Variants in ANTXR1 observed in about 807,000 individuals in gnomAD.
ANTXR1 encodes ANTXR cell adhesion molecule 1.
In ANTXR1, 19 loss-of-function variants were observed where a neutral mutation model predicts 78.1. That is an observed-to-expected ratio of 0.24 (90% CI 0.17 to 0.36). The LOEUF (loss-of-function observed/expected upper bound fraction) is 0.36. Among genes scored for constraint, ANTXR1 ranks in the 10% least tolerant of loss-of-function variants. ANTXR1 has a pLI of 1.00. For synonymous variants in ANTXR1, 273 were observed against 260.5 expected, an observed-to-expected ratio of 1.05 and a Z score of -0.46; for missense variants, 518 against 718.6, an observed-to-expected ratio of 0.72 and a Z score of 3.19.
intron 6 of ANTXR1, 103 bp downstream of exon 6, chr2:69,073,204 A>G: frequency 1.0e-6 from 1 of 956,330 alleles, no homozygotes; most frequent in Non-Finnish European, 1.7e-6. Context: ...TGTTCTTTGC[A>G]AATCCCCTGA....
At chr2:69,123,425 C>A (rs1412884117) in intron 11 of ANTXR1, among the ~76,000 whole-genome samples, 1 of 152,202 alleles carries the variant, frequency 6.6e-6, no homozygotes, top group Non-Finnish European at 1.5e-5. Context: ...GGCTTAATCA[C>A]ACCTACACTT....
At chr2:69,236,378 A>T (rs183077799) in intron 17 of ANTXR1, among the ~76,000 whole-genome samples, 2 of 152,320 alleles carry the variant, frequency 1.3e-5, no homozygotes, top group Admixed American at 1.3e-4. Context: ...ACATATATAC[A>T]CACACATTTT....
chr2:69,112,617 C>T lies in ANTXR1; in HGVS notation c.802+9677C>T, dbSNP rs187584525. 4.4e-4 allele frequency among the ~76,000 whole-genome samples: 67 copies of T among 152,318 alleles called. 1 individual carries two copies. In the East Asian group the frequency reaches 8.5e-3, roughly 19 times the overall value. On this transcript the variant is annotated intron_variant, in intron 10 of 17. Coordinates refer to ENST00000303714, the MANE Select transcript of ANTXR1 (RefSeq NM_032208.3). The stretch of plus-strand genomic sequence containing the variant: ...ACCTAAGATCAAGAGAAAAAGCCCC[C>T]GACCAGGGTAGGAAGAACCCCAGGC...
Position 69,187,585 on chromosome 2 carries a change from CTTT to C in ANTXR1, c.1353+4944_1353+4946del, listed in dbSNP as rs58660678. Among the ~76,000 whole-genome samples the C allele has an allele frequency of 4.5e-3, 424 of 94,878 alleles. 6 individuals carry two copies. Among genetic ancestry groups the C allele is most frequent in the African/African-American group, 0.019 (412 of 21,926 alleles). 62.2% of individuals were successfully genotyped at this position (94,878 alleles called of 152,430 possible). A position where few individuals can be genotyped will look rare whatever the true frequency, so the allele number is the denominator to read the frequency against. On this transcript the variant is annotated intron_variant, in intron 16 of 17. Coordinates refer to ENST00000303714, the MANE Select transcript of ANTXR1 (RefSeq NM_032208.3). ...GGGTCACACTATTTATCATGTATTT[CTTT>C]TTTTTTTTTTTTTTTTTTGAGACAG...
At chr2:69,022,869 T>C (rs139668846) in intron 1 of ANTXR1, among the ~76,000 whole-genome samples, 1 of 152,336 alleles carries the variant, frequency 6.6e-6, no homozygotes, top group African/African-American at 2.4e-5. Context: ...ACACACAATA[T>C]GAAGGCAGAA....
In ANTXR1 at chr2:69,071,694, T is replaced by C. The variant is rs1036993669; in HGVS notation, c.379-60T>C. 86 of 1,552,488 alleles carry C rather than the reference T, an allele frequency of 5.5e-5. 1 individual carries two copies. The highest frequency in any genetic ancestry group is 5.2e-5 in the Non-Finnish European group (58 of 1,123,858). On this transcript the variant is annotated intron_variant, in intron 4 of 17. Coordinates refer to ENST00000303714, the MANE Select transcript of ANTXR1 (RefSeq NM_032208.3). ...CAACAACAGAGCCCATTATCCACTATGGTTTTTGGAGTGACAAACAGTGGT... is the reference window on the plus strand; with the variant it reads ...CAACAACAGAGCCCATTATCCACTACGGTTTTTGGAGTGACAAACAGTGGT...
At chr2:69,202,876 A>C (rs1674808842) in intron 17 of ANTXR1, among the ~76,000 whole-genome samples, 1 of 152,136 alleles carries the variant, frequency 6.6e-6, no homozygotes, top group Admixed American at 6.5e-5. Context: ...AGGTATAAAT[A>C]ATTTGAAAAG....
intron 13 of ANTXR1, among the ~76,000 whole-genome samples, chr2:69,160,349 G>T (rs747356013): frequency 1.3e-5 from 2 of 152,080 alleles, no homozygotes; most frequent in African/African-American, 4.8e-5. Context: ...TGTCAAAGTC[G>T]ACTGGGTTTC....
intron 3 of ANTXR1, among the ~76,000 whole-genome samples, chr2:69,049,701 T>C (rs939214057): frequency 6.6e-6 from 1 of 152,194 alleles, no homozygotes; most frequent in African/African-American, 2.4e-5. Flanking sequence ...GATTGTAGTA[T>C]CTGTGATTAA....
chr2:69,197,272 C>T (rs1251573293), intron 17 of ANTXR1, among the ~76,000 whole-genome samples: 1 of 152,180 alleles, frequency 6.6e-6, no homozygotes, highest in African/African-American at 2.4e-5. Flanking sequence ...TCCCCTGCTC[C>T]CAGTAGGTAG....
intron 17 of ANTXR1, among the ~76,000 whole-genome samples, chr2:69,201,600 C>A (rs1674773682): frequency 6.6e-6 from 1 of 152,192 alleles, no homozygotes; most frequent in South Asian, 2.1e-4. Context: ...GGCTGGCACC[C>A]TGAAGTGCAG....
intron 9 of ANTXR1, among the ~76,000 whole-genome samples, chr2:69,096,368 G>A (rs1671425539): frequency 4.7e-5 from 4 of 84,662 alleles, no homozygotes; most frequent in African/African-American, 2.1e-4. Flanking sequence ...AAGGGAGGAA[G>A]GGAGGAAGGA....
intron 9 of ANTXR1, among the ~76,000 whole-genome samples, chr2:69,095,788 C>T (rs944097134): frequency 2.6e-5 from 4 of 152,298 alleles, no homozygotes; most frequent in South Asian, 2.1e-4. Context: ...AAACCTCCTC[C>T]GGGTCTCCTT....
At chr2:69,037,415 G>T (rs1669472932) in intron 1 of ANTXR1, among the ~76,000 whole-genome samples, 1 of 152,198 alleles carries the variant, frequency 6.6e-6, no homozygotes, top group Non-Finnish European at 1.5e-5. Flanking sequence ...GCATAAGGTA[G>T]TGAGTCCTGT....
chr2:69,131,263 T>C (rs58240054), intron 12 of ANTXR1, among the ~76,000 whole-genome samples: 22,363 of 152,170 alleles, frequency 0.15, 1,854 homozygotes, highest in East Asian at 0.42. Context: ...CACTTATATG[T>C]TGCCAGACAA....
At position 69,013,765 on chromosome 2, in the gene ANTXR1, A is replaced by T. The variant is rs1054923398; in HGVS notation, c.152+114A>T. On this transcript the variant is annotated intron_variant, in intron 1 of 17. Transcript: ENST00000303714. The surrounding 1 kb of genome is among the most constrained non-coding windows in gnomAD (Gnocchi z 5.0). ...GGGACAGGAGCGCATCTCCAGGGCC[A>T]CAGAGGGACCGCGCGGCAGGCGGCG... 83 of 1,507,974 alleles carry T rather than the reference A, an allele frequency of 5.5e-5. No individual in the cohort carries two copies. Among genetic ancestry groups the T allele is most frequent in the Non-Finnish European group, 7.5e-5 (83 of 1,110,548 alleles). The allele number at this position is 1,507,974 out of a possible 1,614,324, so 93.4% of individuals were successfully genotyped here.
Position 69,146,160 on chromosome 2 carries a change from T to C in ANTXR1, c.952-6009T>C, listed in dbSNP as rs181234584. 2.4e-3 allele frequency: 2,392 copies of C among 985,446 alleles called. 5 individuals carry two copies. Among genetic ancestry groups the C allele is most frequent in the Middle Eastern group, 0.014 (26 of 1,914 alleles). 61.0% of individuals were successfully genotyped at this position (985,446 alleles called of 1,614,324 possible). The stretch of plus-strand genomic sequence containing the variant: ...GAATGTTGCCTGTCTGCCTCCTTAA[T>C]AGCGGGCCTCTGTGTGAGCATTTGA... On this transcript the variant is annotated intron_variant, in intron 12 of 17. Transcript: ENST00000303714.
intron 12 of ANTXR1, among the ~76,000 whole-genome samples, chr2:69,136,130 A>G (rs917271145): frequency 1.3e-5 from 2 of 152,204 alleles, no homozygotes; most frequent in Admixed American, 1.3e-4. Flanking sequence ...CCTACCACAG[A>G]TACATCTGAA....
intron 10 of ANTXR1, among the ~76,000 whole-genome samples, chr2:69,112,864 GA>G (rs1672030275): frequency 6.6e-6 from 1 of 152,200 alleles, no homozygotes; most frequent in African/African-American, 2.4e-5. Context: ...TTCAGTTCTA[GA>G]AAAATACAGA....
Sources: gnomAD v4.1 joint callset for allele counts (sites outside exome capture counted in the v4.1 genomes callset) on GRCh38, gnomAD v4.1.1 for gene constraint, Gnocchi (gnomAD v3.1) non-coding constraint, MANE v1.5 for transcripts, NCBI Gene and HGNC (gene_info 2026-07-23, HGNC 2026-07-21) for gene names.